VCP: variants seen among roughly 807,000 people sequenced by gnomAD.
VCP encodes valosin containing protein.
A neutral mutation model predicts 85.7 loss-of-function variants in VCP; 6 were observed. That is an observed-to-expected ratio of 0.07 (90% CI 0.04 to 0.14). The LOEUF is 0.14. Ranked by LOEUF, VCP falls within the 10% of genes least tolerant of loss-of-function variation. The probability of loss-of-function intolerance (pLI) is 1.00; values close to 1 mark genes in which losing one functional copy is unlikely to be tolerated. For missense variants in VCP, 353 were observed against 1,043.4 expected (o/e 0.34, Z 9.12); for synonymous variants, 384 against 367.1 (o/e 1.05, Z -0.53).
intron 4 of VCP, among the ~76,000 whole-genome samples, chr9:35,066,434 CCAGGCTGGT>C (rs1403361306): frequency 6.6e-6 from 1 of 151,460 alleles, no homozygotes; most frequent in South Asian, 2.1e-4. Context: ...GCCATGTTGG[CCAGGCTGGT>C]CTCAAACTCC....
rs137953487 is a variant in VCP, at chr9:35,056,679, T to C, written c.*438A>G. 9.1e-4 allele frequency: 201 copies of C among 220,464 alleles called. 2 individuals are homozygous for C. The South Asian group carries it at 0.013, about 15-fold the overall frequency. The allele number at this position is 220,464 out of a possible 1,614,324, so 13.7% of individuals were successfully genotyped here. On this transcript the variant is annotated 3_prime_UTR_variant, in exon 17 of 17. Coordinates refer to ENST00000358901, the MANE Select transcript of VCP (RefSeq NM_007126.5). ...AAGCATGTAAAATAAATCAACCTAC[T>C]CTCTATATAAACATCCAGCAACTGT...
chr9:35,066,627 G>A, intron 4 of VCP, 48 bp downstream of exon 4: 2 of 1,606,982 alleles, frequency 1.2e-6, no homozygotes, highest in South Asian at 1.1e-5. Context: ...ATGTTCCAAG[G>A]TTTATTCCCT....
intron 1 of VCP, among the ~76,000 whole-genome samples, chr9:35,071,554 G>C (rs1191366587): frequency 6.6e-6 from 1 of 152,164 alleles, no homozygotes; most frequent in African/African-American, 2.4e-5. Flanking sequence ...AACACGAACT[G>C]AGATTCCAAC....
At position 35,056,966 on chromosome 9, in the gene VCP, C is replaced by G; in HGVS notation, c.*151G>C. On this transcript the variant is annotated 3_prime_UTR_variant, in exon 17 of 17. Transcript: ENST00000358901. Reference sequence around the variant, plus strand: ...TTTTGTATTTTTGCAACAGAAACCCCCTGTCCAGAGTCAGACTGTAGCTGA... The same window carrying G: ...TTTTGTATTTTTGCAACAGAAACCCGCTGTCCAGAGTCAGACTGTAGCTGA... 1 of 774,532 alleles carries G rather than the reference C, an allele frequency of 1.3e-6. No homozygotes were observed. Among genetic ancestry groups the G allele is most frequent in the Non-Finnish European group, 2.2e-6 (1 of 451,794 alleles). The allele number at this position is 774,532 out of a possible 1,614,324, so 48.0% of individuals were successfully genotyped here.
chr9:35,061,108 G>A lies in VCP; in HGVS notation c.1266C>T (p.Ala422=), dbSNP rs888952608. Reference sequence around the variant, plus strand: ...CAATGAGATCCATCTTCTTGCGGATGGCTTGCAGAGCAGCCTCTGAGCACA... The same window carrying A: ...CAATGAGATCCATCTTCTTGCGGATAGCTTGCAGAGCAGCCTCTGAGCACA... ...AALCSEAALQ[A]IRKKMDLIDL... The change falls in exon 11 of 17, where the codon GCC becomes GCT. Residue 422 remains alanine, a synonymous_variant. Coordinates refer to ENST00000358901, the MANE Select transcript of VCP (RefSeq NM_007126.5). 1 of 1,614,026 alleles carries A rather than the reference G, an allele frequency of 6.2e-7. No individual in the cohort carries two copies.
rs760119711 is a variant in VCP, at chr9:35,064,317, G to C, written c.577-32C>G. 4 of 1,612,620 alleles carry C rather than the reference G, an allele frequency of 2.5e-6. No homozygotes were observed. The African/African-American group carries it at 5.3e-5, about 22-fold the overall frequency. On this transcript the variant is annotated intron_variant, in intron 5 of 16. Coordinates refer to ENST00000358901, the MANE Select transcript of VCP (RefSeq NM_007126.5). ...ATGGAGGAGATAAAGAAAGGAGAAG[G>C]CAAGAATATTATATCAGCAAAAGCT...
chr9:35,067,204 A>AC (rs1828850886), intron 3 of VCP, among the ~76,000 whole-genome samples: 1 of 152,234 alleles, frequency 6.6e-6, no homozygotes, highest in African/African-American at 2.4e-5. Context: ...TGGTCAGAAC[A>AC]CCTTGAGGAA....
At chr9:35,061,481 C>A (rs1049856417) in intron 10 of VCP, 96 bp downstream of exon 10, 1 of 1,238,148 alleles carries the variant, frequency 8.1e-7, no homozygotes, top group Middle Eastern at 2.0e-4. Context: ...GAAATCAAAA[C>A]CCATCTCCTC....
chr9:35,070,201 A>C (rs1164255420), intron 1 of VCP, among the ~76,000 whole-genome samples: 1 of 152,142 alleles, frequency 6.6e-6, no homozygotes, highest in Non-Finnish European at 1.5e-5. Context: ...TGCTTCCCCC[A>C]TTCCAAAAGT....
intron 6 of VCP, 61 bp from the exon 7 acceptor site, chr9:35,063,141 G>T: frequency 1.4e-6 from 2 of 1,479,576 alleles, no homozygotes; most frequent in South Asian, 1.1e-5. Context: ...AAAATGGCTT[G>T]ACTAGCGCTC....
intron 7 of VCP, 127 bp downstream of exon 7, chr9:35,062,850 CA>C (rs2131033358): frequency 1.1e-6 from 1 of 889,986 alleles, no homozygotes; most frequent in East Asian, 2.4e-5. Flanking sequence ...CATACCCCAG[CA>C]TAAGAAATAT....
chr9:35,066,280 GAGAC>G, intron 4 of VCP, among the ~76,000 whole-genome samples: 1 of 93,498 alleles, frequency 1.1e-5, no homozygotes, highest in Admixed American at 1.2e-4. Flanking sequence ...TTTTTTTTTT[GAGAC>G]AGAGTCTTGC....
In VCP at chr9:35,068,035, C is replaced by T. The variant is rs1170154132; in HGVS notation, c.158G>A (p.Arg53Gln). Residue 53 changes from arginine (R) to glutamine (Q), a missense_variant, in exon 3 of 17, where the codon CGA becomes CAA. Physicochemically the swap from Arg to Gln is conservative, Grantham distance 43 (BLOSUM62 1). Transcript: ENST00000358901. ...TCCTTTCAGCAACACTGTGTCACCT[C>T]GGAACAACTGCAATTCATCCATCTT... Reference protein sequence around the residue: ...QPKMDELQLFRGDTVLLKGKK... With the variant: ...QPKMDELQLFQGDTVLLKGKK... 2 of 1,614,210 alleles carry T rather than the reference C, an allele frequency of 1.2e-6. No individual in the cohort carries two copies. The highest frequency in any genetic ancestry group is 1.1e-5 in the South Asian group (1 of 91,080).
intron 1 of VCP, chr9:35,071,878 AGTCCACGCCCACCGGGCCCGG>A: frequency 1.0e-6 from 1 of 994,650 alleles, no homozygotes; most frequent in Non-Finnish European, 1.2e-6. Context: ...CATGGCGCAA[AGTCCACGCCCACCGGGCCCGG>A]CTGGGGCCTC....
intron 1 of VCP, among the ~76,000 whole-genome samples, chr9:35,070,202 T>G (rs962564249): frequency 3.9e-5 from 6 of 152,156 alleles, no homozygotes; most frequent in Non-Finnish European, 5.9e-5. Context: ...GCTTCCCCCA[T>G]TCCAAAAGTC....
chr9:35,069,995 G>A (rs138404848), intron 1 of VCP, among the ~76,000 whole-genome samples: 156 of 152,270 alleles, frequency 1.0e-3, no homozygotes, highest in African/African-American at 3.6e-3. Context: ...CAATTTGCAA[G>A]AGACAAAGAA....
At chr9:35,069,364 C>A (rs752009669) in intron 1 of VCP, among the ~76,000 whole-genome samples, 45 of 151,100 alleles carry the variant, frequency 3.0e-4, no homozygotes, top group Non-Finnish European at 5.8e-4. Flanking sequence ...AAGCTAGGAT[C>A]ATTCACCAGA....
intron 5 of VCP, among the ~76,000 whole-genome samples, chr9:35,064,890 C>CA (rs1185386613): frequency 3.3e-5 from 5 of 152,252 alleles, no homozygotes; most frequent in African/African-American, 1.2e-4. Flanking sequence ...TTTTTTGAGA[C>CA]AGAGTCTCAC....
chr9:35,057,787 G>A (rs1828640666), intron 15 of VCP: 2 of 547,484 alleles, frequency 3.7e-6, no homozygotes, highest in Non-Finnish European at 6.6e-6. Context: ...GACTGAAGTG[G>A]CTAAGGAAAC....
Sources: gnomAD v4.1 joint callset for allele counts (sites outside exome capture counted in the v4.1 genomes callset) on GRCh38, gnomAD v4.1.1 for gene constraint, MANE v1.5 for transcripts, NCBI Gene and HGNC (gene_info 2026-07-23, HGNC 2026-07-21) for gene names.